XIRP2: variants seen among roughly 807,000 people sequenced by gnomAD.
The protein encoded by XIRP2 is xin actin-binding repeat-containing protein 2.
A neutral mutation model predicts 277.0 loss-of-function variants in XIRP2; 236 were observed. The observed-to-expected ratio is 0.85, with a 90% CI of 0.77 to 0.95. The LOEUF (loss-of-function observed/expected upper bound fraction) is 0.95. XIRP2 is among the 40% of genes least tolerant of loss of function. The probability of loss-of-function intolerance (pLI) is 0.00; values close to 1 mark genes in which losing one functional copy is unlikely to be tolerated. For synonymous variants in XIRP2, 1,490 were observed against 1,416.5 expected, an observed-to-expected ratio of 1.05 and a Z score of -1.17; for missense variants, 4,640 against 4,157.5, an observed-to-expected ratio of 1.12 and a Z score of -3.19.
intron 3 of XIRP2, among the ~76,000 whole-genome samples, chr2:167,192,106 C>T (rs2105367570): frequency 6.6e-6 from 1 of 151,840 alleles, no homozygotes; most frequent in East Asian, 1.9e-4. Context: ...AACATTTTCT[C>T]GGTGTTTTCC....
chr2:167,232,587 C>A (rs920245775), intron 5 of XIRP2, among the ~76,000 whole-genome samples: 1 of 151,892 alleles, frequency 6.6e-6, no homozygotes, highest in Non-Finnish European at 1.5e-5. Flanking sequence ...ACTACCAAAT[C>A]CTGAATTACT....
At chr2:167,221,460 CAAAAAAA>C (rs57006710) in intron 5 of XIRP2, among the ~76,000 whole-genome samples, 65 of 63,484 alleles carry the variant, frequency 1.0e-3, no homozygotes, top group East Asian at 3.3e-3. Context: ...AACTCCATCT[CAAAAAAA>C]AAAAAAAAAA....
intron 3 of XIRP2, among the ~76,000 whole-genome samples, chr2:167,157,844 G>A (rs1274423592): frequency 6.6e-6 from 1 of 152,022 alleles, no homozygotes; most frequent in African/African-American, 2.4e-5. Context: ...AGATTTTATA[G>A]CTTCATCTTG....
intron 2 of XIRP2, among the ~76,000 whole-genome samples, chr2:166,970,744 A>G (rs765147763): frequency 1.3e-5 from 2 of 151,996 alleles, no homozygotes; most frequent in Non-Finnish European, 2.9e-5. Context: ...AAGTTAACAT[A>G]AATTTATAGT....
chr2:166,903,461 G>C lies in XIRP2; in HGVS notation c.-18-4G>C, dbSNP rs184686627. 1.0e-4 allele frequency: 162 copies of C among 1,592,778 alleles called. No homozygotes were observed. The East Asian group carries it at 3.1e-3, about 31-fold the overall frequency. ...CACTGATAAAAGGATTCTTGATATTGCAGGACAACCTGGACCCATCCATGT... is the reference window on the plus strand; with the variant it reads ...CACTGATAAAAGGATTCTTGATATTCCAGGACAACCTGGACCCATCCATGT... On this transcript the variant is annotated splice_region_variant and splice_polypyrimidine_tract_variant and intron_variant, in intron 1 of 10. Transcript: ENST00000409195.
intron 2 of XIRP2, among the ~76,000 whole-genome samples, chr2:166,931,155 G>A (rs1403386081): frequency 6.6e-6 from 1 of 150,728 alleles, no homozygotes; most frequent in Non-Finnish European, 1.5e-5. Flanking sequence ...AGTGTAGGTC[G>A]ATAGATTATA....
At chr2:167,231,620 C>T (rs1234637066) in intron 5 of XIRP2, among the ~76,000 whole-genome samples, 2 of 151,566 alleles carry the variant, frequency 1.3e-5, no homozygotes, top group Non-Finnish European at 2.9e-5. Context: ...CCAATGAGGT[C>T]GAACCAGCCA....
At chr2:166,966,942 C>A (rs1686448747) in intron 2 of XIRP2, among the ~76,000 whole-genome samples, 1 of 151,960 alleles carries the variant, frequency 6.6e-6, no homozygotes, top group East Asian at 1.9e-4. Flanking sequence ...CATTTAAGAT[C>A]TACTGAACCT....
chr2:167,140,521 C>A (rs751239402), intron 3 of XIRP2, among the ~76,000 whole-genome samples: 9 of 152,164 alleles, frequency 5.9e-5, no homozygotes, highest in Non-Finnish European at 8.8e-5. Context: ...GAACTGTCCC[C>A]TCTAACGAGA....
chr2:167,120,835 C>G (rs1394049633), intron 2 of XIRP2, among the ~76,000 whole-genome samples: 1 of 152,074 alleles, frequency 6.6e-6, no homozygotes, highest in East Asian at 1.9e-4. Flanking sequence ...AGTTCCCAAC[C>G]AGAAATCAAA....
At chr2:167,104,209 AT>A (rs1690556792) in intron 2 of XIRP2, among the ~76,000 whole-genome samples, 1 of 152,000 alleles carries the variant, frequency 6.6e-6, no homozygotes, top group Non-Finnish European at 1.5e-5. Flanking sequence ...GAATGATCAT[AT>A]TTTTTGCAAT....
intron 4 of XIRP2, among the ~76,000 whole-genome samples, chr2:167,213,419 T>C (rs983370986): frequency 1.3e-5 from 2 of 152,192 alleles, no homozygotes; most frequent in Non-Finnish European, 2.9e-5. Flanking sequence ...ATTTCTGTTA[T>C]GCCCTATAAA....
intron 5 of XIRP2, among the ~76,000 whole-genome samples, 163 bp from the exon 6 acceptor site, chr2:167,239,692 T>G (rs1281186446): frequency 6.6e-6 from 1 of 152,242 alleles, no homozygotes; most frequent in East Asian, 1.9e-4. Context: ...ATTATGCCAT[T>G]TTAAGCCACT....
chr2:167,098,051 T>C (rs1031338542), intron 2 of XIRP2, among the ~76,000 whole-genome samples: 10 of 152,158 alleles, frequency 6.6e-5, no homozygotes, highest in Admixed American at 6.5e-4. Context: ...TCGAGGAGTA[T>C]CTTTGTGGTG....
At chr2:167,065,211 ACTAT>A (rs1574219477) in intron 2 of XIRP2, among the ~76,000 whole-genome samples, 3 of 152,018 alleles carry the variant, frequency 2.0e-5, no homozygotes, top group Middle Eastern at 3.4e-3. Flanking sequence ...GGTGTGAGGT[ACTAT>A]CTAATTGTGT....
At chr2:167,173,183 A>G (rs1007414021) in intron 3 of XIRP2, among the ~76,000 whole-genome samples, 1 of 152,226 alleles carries the variant, frequency 6.6e-6, no homozygotes, top group African/African-American at 2.4e-5. Context: ...ATTATTGACT[A>G]TAGTCCCCCT....
chr2:166,915,956 A>C (rs773411682), intron 2 of XIRP2, among the ~76,000 whole-genome samples: 1 of 152,196 alleles, frequency 6.6e-6, no homozygotes, highest in East Asian at 1.9e-4. Context: ...CTTCCTTGGG[A>C]TGCATTGATT....
In XIRP2 at chr2:166,964,099, G is replaced by A. The variant is rs531380472; in HGVS notation, c.408+60209G>A. 1.1e-4 allele frequency among the ~76,000 whole-genome samples: 17 copies of A among 151,784 alleles called. No homozygotes were observed. In the South Asian group the frequency reaches 3.5e-3, roughly 31 times the overall value. ...AAATGATTCTGAGGACAATAAGTAG[G>A]TTAGGGTAGGAATAGTCATTGAACT... On this transcript the variant is annotated intron_variant, in intron 2 of 10. Transcript: ENST00000409195.
At chr2:166,902,211 T>C (rs1684403289) in intron 1 of XIRP2, among the ~76,000 whole-genome samples, 1 of 152,052 alleles carries the variant, frequency 6.6e-6, no homozygotes. Context: ...GCAGCACACA[T>C]TATCTTTAAA....
Sources: allele counts gnomAD v4.1 joint callset (sites outside exome capture counted in the v4.1 genomes callset), GRCh38; gene constraint gnomAD v4.1.1; transcripts MANE v1.5; gene names NCBI Gene and HGNC (gene_info 2026-07-23, HGNC 2026-07-21).